The following TBATA variants were observed in gnomAD, a reference collection of about 807,000 sequenced individuals.
TBATA encodes thymus, brain and testes associated, also known as protein TBATA.
Under a neutral mutation model 38.7 loss-of-function variants are expected in TBATA, and 47 were observed. The observed-to-expected ratio is 1.21, with a 90% CI of 0.96 to 1.55. TBATA has a LOEUF of 1.55. Among genes scored for constraint, TBATA ranks in the 40% most tolerant of loss-of-function variants. TBATA has a pLI of 0.00. For missense variants in TBATA, 436 were observed against 435.6 expected, an observed-to-expected ratio of 1.00 and a Z score of -0.01; for synonymous variants, 183 against 170.5, an observed-to-expected ratio of 1.07 and a Z score of -0.57.
At chr10:70,778,485 G>T (rs758137409) in intron 6 of TBATA, 72 bp downstream of exon 6, 1 of 1,463,730 alleles carries the variant, frequency 6.8e-7, no homozygotes, top group South Asian at 1.1e-5. Context: ...AACTGACTCG[G>T]GAGGGATCTC....
At chr10:70,784,944 A>G (rs1261261431) in intron 1 of TBATA, among the ~76,000 whole-genome samples, 171 bp from the exon 2 acceptor site, 1 of 152,212 alleles carries the variant, frequency 6.6e-6, no homozygotes, top group Non-Finnish European at 1.5e-5. Context: ...TATGATGCAC[A>G]CTGATATTTT....
At position 70,783,392 on chromosome 10, in the gene TBATA, A is replaced by G; in HGVS notation, c.-13T>C. ...CATCTGTAGCCATTGTATGCTTTTT[A>G]ACAGACTAAAGGCCAGTGCACTTAA... is the stretch of plus-strand genomic sequence containing the variant. On this transcript the variant is annotated 5_prime_UTR_variant, in exon 3 of 11. Transcript: ENST00000456372. The G allele has an allele frequency of 6.2e-7, 1 of 1,614,074 alleles. No homozygotes were observed. Among genetic ancestry groups the G allele is most frequent in the Middle Eastern group, 1.6e-4 (1 of 6,062 alleles).
At chr10:70,782,638 T>A (rs980914838) in intron 3 of TBATA, 8 of 985,316 alleles carry the variant, frequency 8.1e-6, no homozygotes, top group Non-Finnish European at 8.4e-6. Flanking sequence ...GCTGTGGCGC[T>A]GAGGGAAGCT....
At chr10:70,775,106 C>T in intron 8 of TBATA, 83 bp downstream of exon 8, 13 of 1,358,012 alleles carry the variant, frequency 9.6e-6, no homozygotes, top group Non-Finnish European at 1.4e-5. Context: ...AGCTGAGGGA[C>T]ATTTGAGTCC....
chr10:70,777,271 A>T lies in TBATA; in HGVS notation c.575T>A (p.Leu192His), dbSNP rs1286581805. 1 of 1,613,592 alleles carries T rather than the reference A, an allele frequency of 6.2e-7. No homozygotes were observed. The highest frequency in any genetic ancestry group is 8.5e-7 in the Non-Finnish European group (1 of 1,179,950). ...GACAGCCCGGGTGGAAGCGGGGATG[A>T]GCCTCCCAGTCTCTGCTGAGTACTT... is the stretch of plus-strand genomic sequence containing the variant. Reference protein sequence around the residue: ...GAKYSAETGRLIPASTRAVGR... With the variant: ...GAKYSAETGRHIPASTRAVGR... The change falls in exon 7 of 11, where the codon CTC becomes CAC. Residue 192 changes from leucine to histidine, a missense_variant. Coordinates refer to ENST00000456372, the MANE Select transcript of TBATA (RefSeq NM_001318241.2).
At position 70,777,181 on chromosome 10, in the gene TBATA, G is replaced by A. The variant is rs150146798; in HGVS notation, c.665C>T (p.Ala222Val). 4 of 1,613,006 alleles carry A rather than the reference G, an allele frequency of 2.5e-6. No individual in the cohort carries two copies. The highest frequency in any genetic ancestry group is 1.3e-5 in the African/African-American group (1 of 74,924). Residue 222 changes from alanine (A) to valine (V), a missense_variant, in exon 7 of 11, where the codon GCT (alanine) becomes GTT (valine). By Grantham distance (64) the Ala-to-Val change is moderately conservative. Transcript: ENST00000456372. The part of the protein sequence containing the change: ...QSSSRHEGVQ[A>V]FLLQDQELLV... ...CAGCTCCTGATCCTGAAGGAGGAAAGCCTGGACTCCTTCATGTCTGCTGGA... is the reference window on the plus strand; with the variant it reads ...CAGCTCCTGATCCTGAAGGAGGAAAACCTGGACTCCTTCATGTCTGCTGGA...
intron 7 of TBATA, among the ~76,000 whole-genome samples, chr10:70,775,521 C>T (rs1448935475): frequency 2.0e-5 from 3 of 152,268 alleles, no homozygotes; most frequent in East Asian, 1.9e-4. Flanking sequence ...GTGGAGAATC[C>T]GAGGCCCTGA....
At chr10:70,781,075 C>T (rs1186634667) in intron 4 of TBATA, among the ~76,000 whole-genome samples, 2 of 152,216 alleles carry the variant, frequency 1.3e-5, no homozygotes, top group African/African-American at 4.8e-5. Flanking sequence ...CTCCCTGATG[C>T]CTTCTCCGTT....
At chr10:70,784,427 T>C (rs1365684657) in intron 2 of TBATA, among the ~76,000 whole-genome samples, 1 of 152,160 alleles carries the variant, frequency 6.6e-6, no homozygotes. Context: ...CCTGAATATA[T>C]ATATCTAGCC....
chr10:70,782,960 C>A (rs1056548861), intron 3 of TBATA, among the ~76,000 whole-genome samples: 1 of 152,234 alleles, frequency 6.6e-6, no homozygotes, highest in African/African-American at 2.4e-5. Context: ...GTTTCCTGTT[C>A]CATTCTCCAT....
At chr10:70,771,528 G>T in intron 10 of TBATA, 67 bp from the exon 11 acceptor site, 1 of 1,486,192 alleles carries the variant, frequency 6.7e-7, no homozygotes, top group Non-Finnish European at 9.3e-7. Flanking sequence ...GGGAGCTGCA[G>T]GTGGATGTGT....
At chr10:70,782,955 C>T (rs1401474163) in intron 3 of TBATA, among the ~76,000 whole-genome samples, 1 of 152,250 alleles carries the variant, frequency 6.6e-6, no homozygotes, top group Non-Finnish European at 1.5e-5. Context: ...CCTGAGTTTC[C>T]TGTTCCATTC....
At chr10:70,778,426 C>T (rs1469511038) in intron 6 of TBATA, 131 bp downstream of exon 6, 4 of 910,748 alleles carry the variant, frequency 4.4e-6, no homozygotes, top group African/African-American at 1.6e-5. Flanking sequence ...GTGACCTTTC[C>T]CCTGACGTTT....
rs1486487546 is a variant in TBATA, at chr10:70,779,683, T to C, written c.337A>G (p.Thr113Ala). The change falls in exon 5 of 11, where the codon ACT becomes GCT. Residue 113 changes from threonine to alanine, a missense_variant. Physicochemically the swap from Thr to Ala is moderately conservative, Grantham distance 58. Coordinates refer to ENST00000456372, the MANE Select transcript of TBATA (RefSeq NM_001318241.2). ...RDFPAPLPES[T>A]VFSGCQMGIP... ...CCCATTTGACAGCCGGAAAAGACAG[T>C]TGACTCAGGCAAGGGGGCTGGAAAA... 5.9e-6 allele frequency: 9 copies of C among 1,537,408 alleles called. No homozygotes were observed. Among genetic ancestry groups the C allele is most frequent in the African/African-American group, 4.3e-5 (3 of 69,080 alleles).
Position 70,772,603 on chromosome 10 carries a change from T to C in TBATA, c.921-37A>G, listed in dbSNP as rs765892566. ...TACAAAGAAGGGGCTGGGAAGGTCA[T>C]GCTGGAAACCTGACCCCACGGGTGG... On this transcript the variant is annotated intron_variant, in intron 9 of 10. Coordinates refer to ENST00000456372, the MANE Select transcript of TBATA (RefSeq NM_001318241.2). The C allele has an allele frequency of 1.9e-6, 3 of 1,611,944 alleles. No homozygotes were observed. In the African/African-American group the frequency reaches 4.0e-5, roughly 22 times the overall value.
intron 4 of TBATA, among the ~76,000 whole-genome samples, chr10:70,780,037 G>T (rs908474497): frequency 6.6e-6 from 1 of 152,192 alleles, no homozygotes; most frequent in Non-Finnish European, 1.5e-5. Context: ...GGGATCTTCC[G>T]ATTTCCTGTG....
chr10:70,775,607 C>T (rs1225509702), intron 7 of TBATA, among the ~76,000 whole-genome samples: 2 of 141,428 alleles, frequency 1.4e-5, no homozygotes, highest in African/African-American at 5.3e-5. Context: ...ATCCCTGAAG[C>T]CTGCTTGGCT....
chr10:70,777,299 C>T lies in TBATA; in HGVS notation c.547G>A (p.Ala183Thr). 6.2e-7 allele frequency: 1 copy of T among 1,613,568 alleles called. No individual in the cohort carries two copies. Among genetic ancestry groups the T allele is most frequent in the Non-Finnish European group, 8.5e-7 (1 of 1,179,900 alleles). The change falls in exon 7 of 11, where the codon GCA becomes ACA. Residue 183 changes from alanine (A) to threonine (T), a missense_variant. Physicochemically the swap from Ala to Thr is moderately conservative, Grantham distance 58 (BLOSUM62 0). Coordinates refer to ENST00000456372, the MANE Select transcript of TBATA (RefSeq NM_001318241.2). Reference sequence around the variant, plus strand: ...CTCCCAGTCTCTGCTGAGTACTTTGCCCCCTGCTCCCGCAGAGGCTCCTCC... The same window carrying T: ...CTCCCAGTCTCTGCTGAGTACTTTGTCCCCTGCTCCCGCAGAGGCTCCTCC... ...QKEEPLREQG[A>T]KYSAETGRLI...
At chr10:70,781,589 G>A (rs540244428) in intron 4 of TBATA, among the ~76,000 whole-genome samples, 1 of 152,328 alleles carries the variant, frequency 6.6e-6, no homozygotes, top group East Asian at 1.9e-4. Context: ...AGCAGTCAGG[G>A]GAATCTGTAG....
Sources: allele counts gnomAD v4.1 joint callset (sites outside exome capture counted in the v4.1 genomes callset), GRCh38; gene constraint gnomAD v4.1.1; transcripts MANE v1.5; gene names NCBI Gene and HGNC (gene_info 2026-07-23, HGNC 2026-07-21).